Variants in CLTCL1 observed in about 807,000 individuals in gnomAD.
CLTCL1 encodes clathrin heavy chain 2.
Under a neutral mutation model 190.0 loss-of-function variants are expected in CLTCL1, and 159 were observed. That is an observed-to-expected ratio of 0.84 (90% CI 0.74 to 0.95). The LOEUF is 0.95. Among genes scored for constraint, CLTCL1 ranks in the 40% least tolerant of loss-of-function variants. The pLI is 0.00. For missense variants in CLTCL1, 1,878 were observed against 2,033.4 expected, an observed-to-expected ratio of 0.92 and a Z score of 1.47; for synonymous variants, 752 against 769.6, an observed-to-expected ratio of 0.98 and a Z score of 0.38.
At chr22:19,288,952 G>A (rs868952234) in intron 1 of CLTCL1, among the ~76,000 whole-genome samples, 2 of 152,232 alleles carry the variant, frequency 1.3e-5, no homozygotes, top group South Asian at 4.1e-4. Flanking sequence ...CAGAAGATGC[G>A]TGTGGTGTGA....
At chr22:19,231,367 G>A (rs1555959048) in intron 10 of CLTCL1, among the ~76,000 whole-genome samples, 2 of 152,154 alleles carry the variant, frequency 1.3e-5, no homozygotes, top group Admixed American at 1.3e-4. Flanking sequence ...GGGACCACAG[G>A]TGTGCACCAC....
In CLTCL1 at chr22:19,232,566, C is replaced by G. The variant is rs1555959616; in HGVS notation, c.1554G>C (p.Leu518=). 2 of 1,613,808 alleles carry G rather than the reference C, an allele frequency of 1.2e-6. No individual in the cohort carries two copies. The highest frequency in any genetic ancestry group is 1.7e-5 in the Admixed American group (1 of 59,984). The change falls in exon 10 of 33, where the codon CTG becomes CTC. Residue 518 remains leucine, a synonymous_variant. Coordinates refer to ENST00000427926, the MANE Select transcript of CLTCL1 (RefSeq NM_007098.4). ...VGYTPDWIFL[L]RGVMKISPEQ... Reference sequence around the variant, plus strand: ...CCGGACTGATCTTCATTACACCCCTCAGCAGAAAGATCCAGTCTGGGGTGT... The same window carrying G: ...CCGGACTGATCTTCATTACACCCCTGAGCAGAAAGATCCAGTCTGGGGTGT...
intron 1 of CLTCL1, among the ~76,000 whole-genome samples, chr22:19,281,294 CAAAAAA>C (rs361827): frequency 8.6e-6 from 1 of 116,500 alleles, no homozygotes; most frequent in African/African-American, 3.3e-5. Context: ...GACCCTGTCT[CAAAAAA>C]AAAAAAAAAA....
Position 19,196,611 on chromosome 22 carries a change from G to C in CLTCL1, c.3919C>G (p.Leu1307Val). The C allele has an allele frequency of 6.2e-7, 1 of 1,613,692 alleles. No homozygotes were observed. The highest frequency in any genetic ancestry group is 8.5e-7 in the Non-Finnish European group (1 of 1,179,788). The part of the protein sequence containing the change: ...EELILLLEAA[L>V]GLERAHMGMF... ...CCCATGTGGGCCCGCTCCAGGCCCA[G>C]GGCCGCTTCCAACAGCAAGATCAGC... The change falls in exon 25 of 33, where the codon CTG becomes GTG. Residue 1307 changes from leucine (L) to valine (V), a missense_variant. Physicochemically the swap from Leu to Val is conservative, Grantham distance 32. Coordinates refer to ENST00000427926, the MANE Select transcript of CLTCL1 (RefSeq NM_007098.4).
Position 19,233,448 on chromosome 22 carries a change from G to C in CLTCL1, c.1342C>G (p.Leu448Val), listed in dbSNP as rs76099251. ...TTATCTTCTTTCAGCCACTTCTCTAGGAGTTGCTTACGCCCCTGCTGAAGA... is the reference window on the plus strand; with the variant it reads ...TTATCTTCTTTCAGCCACTTCTCTACGAGTTGCTTACGCCCCTGCTGAAGA... The part of the protein sequence containing the change: ...LVLQQGRKQL[L>V]EKWLKEDKLE... Residue 448 changes from leucine to valine, a missense_variant, in exon 8 of 33, where the codon CTA (leucine) becomes GTA (valine). Leu to Val is a conservative substitution (Grantham distance 32). Coordinates refer to ENST00000427926, the MANE Select transcript of CLTCL1 (RefSeq NM_007098.4). The C allele has an allele frequency of 6.2e-7, 1 of 1,613,702 alleles. No homozygotes were observed. The highest frequency in any genetic ancestry group is 1.7e-5 in the Admixed American group (1 of 59,932).
intron 22 of CLTCL1, among the ~76,000 whole-genome samples, chr22:19,205,725 A>G (rs1323615233): frequency 1.3e-5 from 2 of 152,164 alleles, no homozygotes; most frequent in African/African-American, 4.8e-5. Flanking sequence ...AGCTGAACTG[A>G]TATTTTCCTT....
At chr22:19,280,947 G>T (rs2087689115) in intron 1 of CLTCL1, among the ~76,000 whole-genome samples, 1 of 151,764 alleles carries the variant, frequency 6.6e-6, no homozygotes, top group Non-Finnish European at 1.5e-5. Context: ...GGAGGAGTGT[G>T]AATGGGGAGT....
At chr22:19,183,891 A>G in intron 29 of CLTCL1, 1 of 475,020 alleles carries the variant, frequency 2.1e-6, no homozygotes, top group Non-Finnish European at 3.9e-6. Context: ...GGGCGTGCAC[A>G]GGCTGCTCTG....
chr22:19,237,139 CACTT>C (rs2086105902), intron 5 of CLTCL1, among the ~76,000 whole-genome samples: 1 of 152,034 alleles, frequency 6.6e-6, no homozygotes, highest in African/African-American at 2.4e-5. Flanking sequence ...ATACATCAGA[CACTT>C]AGTACTCTAC....
At chr22:19,229,176 T>C (rs2085843446) in intron 11 of CLTCL1, among the ~76,000 whole-genome samples, 1 of 152,162 alleles carries the variant, frequency 6.6e-6, no homozygotes, top group Admixed American at 6.6e-5. Context: ...AGCCTAAAGG[T>C]AGAAGCAACC....
At position 19,233,224 on chromosome 22, in the gene CLTCL1, A is replaced by C; in HGVS notation, c.1463T>G (p.Val488Gly). Residue 488 changes from valine to glycine, a missense_variant, in exon 9 of 33, where the codon GTG becomes GGG. Transcript: ENST00000427926. Reference sequence around the variant, plus strand: ...GCCTGTTTCTGCAAAACACTGGATCACTTTGCTTGGCACATTTGCCCGAAG... The same window carrying C: ...GCCTGTTTCTGCAAAACACTGGATCCCTTTGCTTGGCACATTTGCCCGAAG... The part of the protein sequence containing the change: ...VYLRANVPSK[V>G]IQCFAETGQF... The C allele has an allele frequency of 6.2e-7, 1 of 1,614,036 alleles. No homozygotes were observed. Among genetic ancestry groups the C allele is most frequent in the Non-Finnish European group, 8.5e-7 (1 of 1,179,884 alleles).
chr22:19,231,359 G>C (rs2085913801), intron 10 of CLTCL1, among the ~76,000 whole-genome samples: 1 of 152,162 alleles, frequency 6.6e-6, no homozygotes. Context: ...GAGTAGCTGG[G>C]ACCACAGGTG....
At chr22:19,224,252 G>GGTAT (rs35439533) in intron 13 of CLTCL1, among the ~76,000 whole-genome samples, 198 bp from the exon 14 acceptor site, 4,110 of 152,166 alleles carry the variant, frequency 0.027, 66 homozygotes, top group Non-Finnish European at 0.041. Flanking sequence ...TATTTGGCAG[G>GGTAT]TATACCTGGC....
At chr22:19,256,351 TA>T (rs34422905) in intron 2 of CLTCL1, among the ~76,000 whole-genome samples, 7,543 of 137,790 alleles carry the variant, frequency 0.055, 237 homozygotes, top group Middle Eastern at 0.17. Context: ...CTTTTTCTTT[TA>T]TCTTTTTTTT....
At chr22:19,193,378 G>A (rs2084580281) in intron 26 of CLTCL1, among the ~76,000 whole-genome samples, 1 of 152,202 alleles carries the variant, frequency 6.6e-6, no homozygotes, top group Non-Finnish European at 1.5e-5. Context: ...CTGGGATCTG[G>A]AGCCCTCTGC....
At chr22:19,276,862 C>CGGG (rs1273534311) in intron 1 of CLTCL1, among the ~76,000 whole-genome samples, 1 of 151,960 alleles carries the variant, frequency 6.6e-6, no homozygotes, top group African/African-American at 2.4e-5. Flanking sequence ...TTAGTAGAGA[C>CGGG]GGGGTTTCAC....
rs190235953 is a variant in CLTCL1 at position 19,282,408 on chromosome 22, C to T, written c.43-6578G>A. 9.0e-4 allele frequency among the ~76,000 whole-genome samples: 136 copies of T among 150,402 alleles called. 2 individuals carry two copies. The highest frequency in any genetic ancestry group is 3.1e-3 in the African/African-American group (128 of 40,944). On this transcript the variant is annotated intron_variant, in intron 1 of 32. Transcript: ENST00000427926. ...ATCCCAGCACTTTGGGAGGCCAAGACGGGTGGATCACTTGAGATCAGGAGT... is the reference window on the plus strand; with the variant it reads ...ATCCCAGCACTTTGGGAGGCCAAGATGGGTGGATCACTTGAGATCAGGAGT...
intron 1 of CLTCL1, among the ~76,000 whole-genome samples, chr22:19,286,417 C>T (rs1344964479): frequency 2.0e-5 from 3 of 150,594 alleles, no homozygotes; most frequent in African/African-American, 4.9e-5. Flanking sequence ...TAACAGTTTA[C>T]ATGGTATCTT....
intron 26 of CLTCL1, among the ~76,000 whole-genome samples, chr22:19,194,838 C>T (rs1189461098): frequency 4.6e-5 from 7 of 152,314 alleles, no homozygotes; most frequent in East Asian, 1.9e-4. Context: ...GATTGGATGT[C>T]GTCCATCTGA....
Sources: gnomAD v4.1 joint callset for allele counts (sites outside exome capture counted in the v4.1 genomes callset) on GRCh38, gnomAD v4.1.1 for gene constraint, MANE v1.5 for transcripts, NCBI Gene and HGNC (gene_info 2026-07-23, HGNC 2026-07-21) for gene names.